The following RFX3 variants were observed in gnomAD, a reference collection of about 807,000 sequenced individuals.
RFX3 encodes the protein regulatory factor X3.
RFX3 carries 14 observed loss-of-function variants against 98.6 expected under a neutral mutation model. The ratio of observed to expected loss-of-function variants is 0.14; its 90% CI spans 0.09 to 0.22. The LOEUF (loss-of-function observed/expected upper bound fraction) is 0.22. Ranked by LOEUF, RFX3 falls within the 10% of genes least tolerant of loss-of-function variation. RFX3 has a pLI of 1.00. For synonymous variants in RFX3, 383 were observed against 328.4 expected, an observed-to-expected ratio of 1.17 and a Z score of -1.80; for missense variants, 639 against 926.9, an observed-to-expected ratio of 0.69 and a Z score of 4.03.
At chr9:3,254,737 T>C (rs951811684) in intron 14 of RFX3, among the ~76,000 whole-genome samples, 1 of 152,180 alleles carries the variant, frequency 6.6e-6, no homozygotes, top group Non-Finnish European at 1.5e-5. Flanking sequence ...TTAAATTTTC[T>C]AATTCTACCA....
chr9:3,443,447 G>A (rs1350917238), intron 1 of RFX3, among the ~76,000 whole-genome samples: 1 of 152,122 alleles, frequency 6.6e-6, no homozygotes, highest in East Asian at 1.9e-4. Context: ...CAAGGGAAAA[G>A]ATGTGGTGTT....
intron 1 of RFX3, among the ~76,000 whole-genome samples, chr9:3,514,238 C>T (rs527628152): frequency 6.6e-6 from 1 of 152,282 alleles, no homozygotes; most frequent in African/African-American, 2.4e-5. Context: ...CTAAATGTTC[C>T]TAATGATCCT....
chr9:3,256,838 T>G (rs971204240), intron 14 of RFX3, among the ~76,000 whole-genome samples, 153 bp downstream of exon 14: 3 of 152,188 alleles, frequency 2.0e-5, no homozygotes, highest in Non-Finnish European at 4.4e-5. Flanking sequence ...TTGTAATCAC[T>G]GAGTTGGGTT....
chr9:3,254,764 T>C (rs999706261), intron 14 of RFX3, among the ~76,000 whole-genome samples: 2 of 152,184 alleles, frequency 1.3e-5, no homozygotes, highest in African/African-American at 4.8e-5. Context: ...CAACTGTTGC[T>C]GCATCTACCT....
At chr9:3,319,738 C>G (rs756710114) in intron 4 of RFX3, among the ~76,000 whole-genome samples, 1 of 151,878 alleles carries the variant, frequency 6.6e-6, no homozygotes, top group Non-Finnish European at 1.5e-5. Flanking sequence ...GATTAGGTAC[C>G]TTTCAGTGCA....
At chr9:3,277,024 G>A (rs1257916375) in intron 8 of RFX3, among the ~76,000 whole-genome samples, 1 of 151,902 alleles carries the variant, frequency 6.6e-6, no homozygotes, top group Admixed American at 6.6e-5. Context: ...GGCACTTGAA[G>A]TTACTACTGA....
chr9:3,282,794 TAAC>T (rs1206144796), intron 7 of RFX3, among the ~76,000 whole-genome samples: 4 of 151,714 alleles, frequency 2.6e-5, no homozygotes, highest in Non-Finnish European at 5.9e-5. Context: ...AGATAAACAA[TAAC>T]AACAACAAAA....
intron 7 of RFX3, among the ~76,000 whole-genome samples, chr9:3,282,767 C>T (rs1180858138): frequency 2.0e-5 from 3 of 151,740 alleles, no homozygotes; most frequent in Non-Finnish European, 4.4e-5. Flanking sequence ...GACAATCTGG[C>T]TCCATCTGAT....
chr9:3,376,349 G>T (rs545720715), intron 2 of RFX3, among the ~76,000 whole-genome samples: 30 of 152,066 alleles, frequency 2.0e-4, no homozygotes, highest in Middle Eastern at 3.2e-3. Context: ...TTACCCATGA[G>T]AAATAAAAAC....
At chr9:3,525,031 T>TG (rs1321961973) in intron 1 of RFX3, among the ~76,000 whole-genome samples, 1 of 150,596 alleles carries the variant, frequency 6.6e-6, no homozygotes, top group Non-Finnish European at 1.5e-5. Context: ...GCTGAATGGA[T>TG]GTTAAGACTG....
At chr9:3,367,936 G>T (rs1291891426) in intron 2 of RFX3, among the ~76,000 whole-genome samples, 2 of 152,162 alleles carry the variant, frequency 1.3e-5, no homozygotes, top group Non-Finnish European at 2.9e-5. Context: ...CCCTAGAATT[G>T]AAAATCTATT....
intron 15 of RFX3, among the ~76,000 whole-genome samples, chr9:3,238,603 A>G (rs937714652): frequency 4.6e-5 from 7 of 152,218 alleles, no homozygotes; most frequent in African/African-American, 1.7e-4. Flanking sequence ...TCACACGCAG[A>G]TTTGGAACTT....
chr9:3,467,176 ATATATGTATATACATATATAATG>A (rs1848360807), intron 1 of RFX3, among the ~76,000 whole-genome samples: 2 of 139,446 alleles, frequency 1.4e-5, no homozygotes, highest in Non-Finnish European at 3.0e-5. Context: ...TATATAATGT[ATATATGTATATACATATATAATG>A]TATGTGTATA....
chr9:3,250,745 A>C (rs924950454), intron 14 of RFX3, among the ~76,000 whole-genome samples: 1 of 152,102 alleles, frequency 6.6e-6, no homozygotes, highest in Non-Finnish European at 1.5e-5. Flanking sequence ...CAGATATAAA[A>C]TTTTATGCAA....
chr9:3,356,506 C>T (rs949344218), intron 2 of RFX3, among the ~76,000 whole-genome samples: 1 of 151,834 alleles, frequency 6.6e-6, no homozygotes, highest in Non-Finnish European at 1.5e-5. Context: ...GCAGAGGAAA[C>T]TCCAGGCCCT....
chr9:3,376,110 A>C (rs1838458271), intron 2 of RFX3, among the ~76,000 whole-genome samples: 1 of 152,208 alleles, frequency 6.6e-6, no homozygotes, highest in South Asian at 2.1e-4. Context: ...TCATCAGAGA[A>C]ATACGGATTA....
intron 15 of RFX3, among the ~76,000 whole-genome samples, chr9:3,246,368 G>T (rs570809494): frequency 7.0e-4 from 106 of 151,990 alleles, no homozygotes; most frequent in Non-Finnish European, 1.4e-3. Flanking sequence ...GGTGCCGCCT[G>T]TGCAAGCATA....
intron 1 of RFX3, among the ~76,000 whole-genome samples, chr9:3,514,291 T>C (rs992226727): frequency 4.6e-5 from 7 of 152,194 alleles, no homozygotes; most frequent in Non-Finnish European, 7.3e-5. Context: ...AAAAACAGTA[T>C]TGATTGTTCT....
intron 15 of RFX3, among the ~76,000 whole-genome samples, chr9:3,244,874 A>AT (rs1202823984): frequency 6.6e-6 from 1 of 152,080 alleles, no homozygotes; most frequent in Non-Finnish European, 1.5e-5. Flanking sequence ...GTAAAAATCC[A>AT]TTTTTTTCAT....
Sources: allele counts gnomAD v4.1 joint callset (sites outside exome capture counted in the v4.1 genomes callset), GRCh38; gene constraint gnomAD v4.1.1; transcripts MANE v1.5; gene names NCBI Gene and HGNC (gene_info 2026-07-23, HGNC 2026-07-21).